The following BOK variants were observed in gnomAD, a reference collection of about 807,000 sequenced individuals.
The protein encoded by BOK is BCL2 family apoptosis regulator BOK.
BOK carries 20 observed loss-of-function variants against 18.3 expected under a neutral mutation model. That is an observed-to-expected ratio of 1.09 (90% CI 0.77 to 1.59). The LOEUF is 1.59. Among genes scored for constraint, BOK ranks in the 40% most tolerant of loss-of-function variants. The probability of loss-of-function intolerance (pLI) is 0.00; values close to 1 mark genes in which losing one functional copy is unlikely to be tolerated. For synonymous variants in BOK, 173 were observed against 142.4 expected (o/e 1.21, Z -1.53); for missense variants, 348 against 307.9 (o/e 1.13, Z -0.97).
Position 241,570,157 on chromosome 2 carries a change from G to GCGGTGGC in BOK, c.385_391dup (p.Ala131GlyfsTer45), listed in dbSNP as rs2066687606. The GCGGTGGC allele has an allele frequency of 1.9e-6, 3 of 1,611,606 alleles. No individual in the cohort carries two copies. Among genetic ancestry groups the GCGGTGGC allele is most frequent in the East Asian group, 4.5e-5 (2 of 44,820 alleles). On this transcript the variant is annotated frameshift_variant, in exon 4 of 5. Coordinates refer to ENST00000318407, the MANE Select transcript of BOK (RefSeq NM_032515.5). LOFTEE classifies it high-confidence loss of function. ...GTGGGGCAAGGTGGTGTCCCTGTAT[G>GCGGTGGC]CGGTGGCCGCGGGGCTGGCCGTGGA... is the stretch of plus-strand genomic sequence containing the variant.
Position 241,559,584 on chromosome 2 carries a change from T to G in BOK, c.101T>G (p.Leu34Arg). 1 of 1,515,062 alleles carries G rather than the reference T, an allele frequency of 6.6e-7. No homozygotes were observed. The highest frequency in any genetic ancestry group is 1.7e-4 in the Middle Eastern group (1 of 5,758). The allele number at this position is 1,515,062 out of a possible 1,614,324, so 93.9% of individuals were successfully genotyped here. ...DKELVAQAKALGREYVHARLL... is the reference protein window; with the variant it reads ...DKELVAQAKARGREYVHARLL... ...GAGCTGGTGGCCCAGGCCAAGGCGC[T>G]GGGCCGGGAGTACGTGCACGCGCGG... is the stretch of plus-strand genomic sequence containing the variant. The change falls in exon 2 of 5, where the codon CTG becomes CGG. Residue 34 changes from leucine to arginine, a missense_variant. Physicochemically the swap from Leu to Arg is moderately radical, Grantham distance 102 (BLOSUM62 -2). Transcript: ENST00000318407.
rs1264767260 is a variant in BOK at position 241,564,191 on chromosome 2, G to A, written c.349+1715G>A. ...TGAGTCCAGGGATGGGAGTCCAGGC[G>A]GGGTCTGGTCCTGCCTCCGGGCTTG... On this transcript the variant is annotated intron_variant, in intron 3 of 4. Transcript: ENST00000318407. Among the ~76,000 whole-genome samples, 9 of 152,216 alleles carry A rather than the reference G, an allele frequency of 5.9e-5. No homozygotes were observed. In the South Asian group the frequency reaches 1.7e-3, roughly 28 times the overall value.
At chr2:241,564,681 G>A (rs988818240) in intron 3 of BOK, among the ~76,000 whole-genome samples, 1 of 152,180 alleles carries the variant, frequency 6.6e-6, no homozygotes, top group African/African-American at 2.4e-5. Context: ...AGGCAGGCAC[G>A]GGGCAGGCAG....
chr2:241,552,667 C>G (rs189788805), intron 1 of BOK, among the ~76,000 whole-genome samples: 1 of 152,212 alleles, frequency 6.6e-6, no homozygotes, highest in Admixed American at 6.5e-5. Context: ...GCAATGCCAG[C>G]GCGTTCAGAA....
upstream of BOK, among the ~76,000 whole-genome samples, chr2:241,554,706 A>G (rs2066438028): frequency 6.6e-6 from 1 of 152,214 alleles, no homozygotes; most frequent in Non-Finnish European, 1.5e-5. Flanking sequence ...TTATCCTGCA[A>G]TTACACCAGG....
chr2:241,551,731 G>C (rs922107868), intron 1 of BOK, among the ~76,000 whole-genome samples: 14 of 152,194 alleles, frequency 9.2e-5, no homozygotes, highest in African/African-American at 3.4e-4. Flanking sequence ...CCTCAGGGGG[G>C]TCCCTCCGCC....
chr2:241,571,503 TCTC>T (rs1343651776), intron 4 of BOK, among the ~76,000 whole-genome samples: 1 of 152,188 alleles, frequency 6.6e-6, no homozygotes, highest in Non-Finnish European at 1.5e-5. Context: ...GGGGCTGTGG[TCTC>T]CTCTGAAGGC....
chr2:241,556,013 T>C (rs371838329), upstream of BOK, among the ~76,000 whole-genome samples: 81 of 152,300 alleles, frequency 5.3e-4, no homozygotes, highest in African/African-American at 1.8e-3. Context: ...TCAGGAACCA[T>C]GGAGTTAGAC....
In BOK at chr2:241,562,341, C is replaced by A; in HGVS notation, c.221-7C>A. ...GCTGCCTCTCACCTGCTCTTGTGAC[C>A]ACACAGGCGATGAGCTGGAGATGAT... On this transcript the variant is annotated splice_region_variant and splice_polypyrimidine_tract_variant and intron_variant, in intron 2 of 4. Transcript: ENST00000318407. The surrounding 1 kb of genome is among the most constrained non-coding windows in gnomAD (Gnocchi z 4.5). 1 of 1,593,946 alleles carries A rather than the reference C, an allele frequency of 6.3e-7. No individual in the cohort carries two copies. Among genetic ancestry groups the A allele is most frequent in the Non-Finnish European group, 8.5e-7 (1 of 1,171,086 alleles).
chr2:241,559,965 ATAATC>A (rs1356865565), intron 2 of BOK: 1 of 705,862 alleles, frequency 1.4e-6, no homozygotes, highest in Non-Finnish European at 1.7e-6. Flanking sequence ...TCCAGAAAGA[ATAATC>A]TATTAGTGGG....
chr2:241,571,498 T>C (rs933831460), intron 4 of BOK, among the ~76,000 whole-genome samples: 5 of 152,152 alleles, frequency 3.3e-5, no homozygotes, highest in Non-Finnish European at 7.4e-5. Flanking sequence ...CTGCGGGGGC[T>C]GTGGTCTCCT....
intron 4 of BOK, among the ~76,000 whole-genome samples, chr2:241,571,608 C>T (rs1237160837): frequency 2.0e-5 from 3 of 152,238 alleles, no homozygotes; most frequent in African/African-American, 7.2e-5. Context: ...CCGTCCCCTC[C>T]TGTCTTCCTC....
chr2:241,559,582 G>A lies in BOK; in HGVS notation c.99G>A (p.Ala33=). The A allele has an allele frequency of 2.0e-6, 3 of 1,515,452 alleles. No homozygotes were observed. Among genetic ancestry groups the A allele is most frequent in the Non-Finnish European group, 2.6e-6 (3 of 1,140,424 alleles). The allele number at this position is 1,515,452 out of a possible 1,614,324, so 93.9% of individuals were successfully genotyped here. A position where few individuals can be genotyped will look rare whatever the true frequency, so the allele number is the denominator to read the frequency against. ...TDKELVAQAK[A]LGREYVHARL... ...AGGAGCTGGTGGCCCAGGCCAAGGC[G>A]CTGGGCCGGGAGTACGTGCACGCGC... The change falls in exon 2 of 5, where the codon GCG becomes GCA. Residue 33 remains alanine (A), a synonymous_variant. Transcript: ENST00000318407.
chr2:241,552,144 A>C (rs1288514359), intron 1 of BOK, among the ~76,000 whole-genome samples: 1 of 152,166 alleles, frequency 6.6e-6, no homozygotes. Flanking sequence ...CTGCTACCTC[A>C]GGAGCATTTT....
At chr2:241,556,127 C>G (rs1017789191), upstream of BOK, among the ~76,000 whole-genome samples, 10 of 152,224 alleles carry the variant, frequency 6.6e-5, no homozygotes, top group Non-Finnish European at 1.0e-4. Flanking sequence ...GAATCCCAAA[C>G]CTGACTGCTC....
In BOK at chr2:241,572,354, G is replaced by C. The variant is rs374794185; in HGVS notation, c.571G>C (p.Val191Leu). ...CCCTGGCCTCCGCTCCCACTGGCTGGTGGCTGCACTCTGCAGCTTCGGCCG... is the reference window on the plus strand; with the variant it reads ...CCCTGGCCTCCGCTCCCACTGGCTGCTGGCTGCACTCTGCAGCTTCGGCCG... ...TDPGLRSHWL[V>L]AALCSFGRFL... The change falls in exon 5 of 5, where the codon GTG becomes CTG. Residue 191 changes from valine (V) to leucine (L), a missense_variant. Val to Leu is a conservative substitution (Grantham distance 32). Coordinates refer to ENST00000318407, the MANE Select transcript of BOK (RefSeq NM_032515.5). 3 of 1,609,512 alleles carry C rather than the reference G, an allele frequency of 1.9e-6. No homozygotes were observed. The highest frequency in any genetic ancestry group is 2.5e-6 in the Non-Finnish European group (3 of 1,179,712).
chr2:241,559,645 G>A lies in BOK; in HGVS notation c.162G>A (p.Glu54=). ...LRAGLSWSAP[E]RAAPVPGRLA... ...CCGGCCTCTCCTGGAGCGCGCCCGA[G>A]CGTGCCGCGCCGGTCCCGGGACGCC... Residue 54 remains glutamate (E), a synonymous_variant, in exon 2 of 5, where the codon GAG becomes GAA. Coordinates refer to ENST00000318407, the MANE Select transcript of BOK (RefSeq NM_032515.5). The A allele has an allele frequency of 7.1e-7, 1 of 1,399,372 alleles. No individual in the cohort carries two copies. Among genetic ancestry groups the A allele is most frequent in the Non-Finnish European group, 9.2e-7 (1 of 1,085,348 alleles). 86.7% of individuals were successfully genotyped at this position (1,399,372 alleles called of 1,614,324 possible).
Position 241,559,576 on chromosome 2 carries a change from C to T in BOK, c.93C>T (p.Ala31=). 3 of 1,523,484 alleles carry T rather than the reference C, an allele frequency of 2.0e-6. No homozygotes were observed. The highest frequency in any genetic ancestry group is 2.6e-6 in the Non-Finnish European group (3 of 1,144,698). The allele number at this position is 1,523,484 out of a possible 1,614,324, so 94.4% of individuals were successfully genotyped here. ...SPTDKELVAQ[A]KALGREYVHA... is the part of the protein sequence containing the mutation. ...CAGACAAGGAGCTGGTGGCCCAGGC[C>T]AAGGCGCTGGGCCGGGAGTACGTGC... The change falls in exon 2 of 5, where the codon GCC becomes GCT. Residue 31 remains alanine, a synonymous_variant. Coordinates refer to ENST00000318407, the MANE Select transcript of BOK (RefSeq NM_032515.5).
At chr2:241,552,315 C>CCT (rs2066419845) in intron 1 of BOK, among the ~76,000 whole-genome samples, 1 of 151,744 alleles carries the variant, frequency 6.6e-6, no homozygotes, top group African/African-American at 2.4e-5. Context: ...AGCGCTGCAG[C>CCT]CTGTCTCTTG....
Sources: allele counts gnomAD v4.1 joint callset (sites outside exome capture counted in the v4.1 genomes callset), GRCh38; gene constraint gnomAD v4.1.1; non-coding constraint Gnocchi (gnomAD v3.1); transcripts MANE v1.5; gene names NCBI Gene and HGNC (gene_info 2026-07-23, HGNC 2026-07-21).